Variants in OCA2 observed in about 807,000 individuals in gnomAD.
The protein encoded by OCA2 is OCA2 melanosomal transmembrane protein, also known as P protein.
A neutral mutation model predicts 100.2 loss-of-function variants in OCA2; 77 were observed. The ratio of observed to expected loss-of-function variants is 0.77; its 90% CI spans 0.64 to 0.93. The LOEUF (loss-of-function observed/expected upper bound fraction) is 0.93. Ranked by LOEUF, OCA2 falls within the 40% of genes least tolerant of loss-of-function variation. The probability of loss-of-function intolerance (pLI) is 0.00; values close to 1 mark genes in which losing one functional copy is unlikely to be tolerated. For missense variants in OCA2, 1,062 were observed against 1,089.1 expected, an observed-to-expected ratio of 0.98 and a Z score of 0.35; for synonymous variants, 432 against 439.2, an observed-to-expected ratio of 0.98 and a Z score of 0.21.
At chr15:27,775,096 G>GTGTGTC (rs2032125255) in intron 23 of OCA2, among the ~76,000 whole-genome samples, 2 of 151,718 alleles carry the variant, frequency 1.3e-5, no homozygotes, top group Admixed American at 6.6e-5. Context: ...GTGTGTGTGT[G>GTGTGTC]TGTGTGTCTG....
chr15:28,057,791 G>A (rs914075824), intron 2 of OCA2, among the ~76,000 whole-genome samples: 5 of 150,346 alleles, frequency 3.3e-5, no homozygotes, highest in African/African-American at 1.3e-4. Context: ...GAACAGGTGG[G>A]AACAACGTCA....
At chr15:27,956,124 C>T (rs781177288) in intron 16 of OCA2, among the ~76,000 whole-genome samples, 3 of 151,886 alleles carry the variant, frequency 2.0e-5, no homozygotes, top group Non-Finnish European at 4.4e-5. Context: ...CTGAGGCAGG[C>T]GGATCACCTG....
chr15:27,924,022 G>C (rs1447793377), intron 19 of OCA2, among the ~76,000 whole-genome samples: 1 of 152,110 alleles, frequency 6.6e-6, no homozygotes, highest in Non-Finnish European at 1.5e-5. Flanking sequence ...TCCAACTTGA[G>C]TTGATTTTTG....
chr15:27,739,841 C>A, the OCA2 span, among the ~76,000 whole-genome samples: 1 of 152,130 alleles, frequency 6.6e-6, no homozygotes, highest in East Asian at 1.9e-4. Context: ...CTCCATGCAC[C>A]CATGAAGAGC....
intron 9 of OCA2, among the ~76,000 whole-genome samples, chr15:28,014,102 C>T (rs533791613): frequency 5.3e-5 from 8 of 152,300 alleles, no homozygotes; most frequent in African/African-American, 9.6e-5. Flanking sequence ...GCGCCTCTAA[C>T]GGTCACATCA....
At chr15:27,953,522 G>T (rs1424102328) in intron 17 of OCA2, among the ~76,000 whole-genome samples, 2 of 152,220 alleles carry the variant, frequency 1.3e-5, no homozygotes, top group Non-Finnish European at 2.9e-5. Context: ...GGAGAGTGAT[G>T]CGGATTCTCA....
At chr15:27,804,364 C>T (rs1235566005) in intron 23 of OCA2, among the ~76,000 whole-genome samples, 2 of 152,102 alleles carry the variant, frequency 1.3e-5, no homozygotes, top group South Asian at 2.1e-4. Context: ...ACAAGGAAGG[C>T]ACAATTAACC....
rs2041229225 is a variant in OCA2 at position 27,983,330 on chromosome 15, CA to C, written c.1503+14del. ...GTGCGTTTACTGGAAGCAACCCTAGCATGCTGGTACGTACCATCTTCCTCAG... is the reference window on the plus strand; with the variant it reads ...GTGCGTTTACTGGAAGCAACCCTAGCTGCTGGTACGTACCATCTTCCTCAG... On this transcript the variant is annotated intron_variant, in intron 14 of 23. Coordinates refer to ENST00000354638, the MANE Select transcript of OCA2 (RefSeq NM_000275.3). The C allele has an allele frequency of 1.2e-6, 2 of 1,613,972 alleles. No individual in the cohort carries two copies. Among genetic ancestry groups the C allele is most frequent in the Non-Finnish European group, 1.7e-6 (2 of 1,180,018 alleles).
At chr15:27,863,570 C>T (rs1454321609) in intron 21 of OCA2, among the ~76,000 whole-genome samples, 1 of 152,118 alleles carries the variant, frequency 6.6e-6, no homozygotes, top group African/African-American at 2.4e-5. Context: ...CTGCCGGTGC[C>T]CAAGCCCCAT....
chr15:27,886,513 A>G (rs2037229788), intron 19 of OCA2, among the ~76,000 whole-genome samples: 1 of 152,246 alleles, frequency 6.6e-6, no homozygotes, highest in Non-Finnish European at 1.5e-5. Context: ...AAAAATTAAG[A>G]GAATGCAACT....
chr15:27,855,940 G>C (rs118161251), intron 21 of OCA2, among the ~76,000 whole-genome samples: 364 of 152,270 alleles, frequency 2.4e-3, no homozygotes, highest in Middle Eastern at 0.01. Context: ...AAAGCACCAC[G>C]AGCTGGGTAC....
intron 2 of OCA2, among the ~76,000 whole-genome samples, chr15:28,074,535 G>C (rs945509993): frequency 6.6e-6 from 1 of 152,218 alleles, no homozygotes; most frequent in African/African-American, 2.4e-5. Context: ...TTAGCCAGGC[G>C]TGGTGGCGGA....
intron 3 of OCA2, 117 bp downstream of exon 3, chr15:28,031,948 G>A: frequency 2.5e-6 from 2 of 790,972 alleles, no homozygotes; most frequent in Admixed American, 3.5e-5. Context: ...AAATTGTCAA[G>A]GATCTGGCAG....
the OCA2 span, among the ~76,000 whole-genome samples, chr15:27,735,667 T>G: frequency 6.6e-6 from 1 of 152,106 alleles, no homozygotes; most frequent in Non-Finnish European, 1.5e-5. Flanking sequence ...GCAGCAGATT[T>G]CTCAGCAGAA....
intron 19 of OCA2, among the ~76,000 whole-genome samples, chr15:27,892,584 A>G (rs1413756192): frequency 6.6e-6 from 1 of 152,164 alleles, no homozygotes; most frequent in African/African-American, 2.4e-5. Flanking sequence ...ACTTTATAAC[A>G]CTAAATGTTA....
In OCA2 at chr15:27,902,672, T is replaced by A. The variant is rs75758300; in HGVS notation, c.2079+23455A>T. ...AGTCCCACCTCACACAAAGAGCTAG[T>A]GTGAAGTGCCACCAGGGAAACAGAG... On this transcript the variant is annotated intron_variant, in intron 19 of 23. Transcript: ENST00000354638. 5.6e-3 allele frequency among the ~76,000 whole-genome samples: 859 copies of A among 152,178 alleles called. 7 individuals are homozygous for A. The highest frequency in any genetic ancestry group is 0.02 in the African/African-American group (825 of 41,530).
chr15:27,936,234 G>A (rs541497928), intron 18 of OCA2, among the ~76,000 whole-genome samples: 1 of 151,808 alleles, frequency 6.6e-6, no homozygotes, highest in South Asian at 2.1e-4. Context: ...GCTTCCTTGT[G>A]GGGAGCACCC....
the OCA2 span, among the ~76,000 whole-genome samples, chr15:27,720,534 G>A: frequency 2.7e-5 from 4 of 150,674 alleles, no homozygotes; most frequent in African/African-American, 9.7e-5. Context: ...ATCTACATAT[G>A]TATGTTTTTA....
intron 1 of OCA2, among the ~76,000 whole-genome samples, chr15:28,098,949 A>T (rs1206744780): frequency 6.6e-6 from 1 of 152,086 alleles, no homozygotes; most frequent in Non-Finnish European, 1.5e-5. Flanking sequence ...CCCCCCACCC[A>T]TGACCTCATG....
Sources: allele counts gnomAD v4.1 joint callset (sites outside exome capture counted in the v4.1 genomes callset), GRCh38; gene constraint gnomAD v4.1.1; transcripts MANE v1.5; gene names NCBI Gene and HGNC (gene_info 2026-07-23, HGNC 2026-07-21).